The following CYRIA variants were observed in gnomAD, a reference collection of about 807,000 sequenced individuals.
CYRIA encodes CYFIP-related Rac1 interactor A.
Under a neutral mutation model 43.9 loss-of-function variants are expected in CYRIA, and 15 were observed. That is an observed-to-expected ratio of 0.34 (90% confidence interval 0.23 to 0.53). The LOEUF (loss-of-function observed/expected upper bound fraction) is 0.53. Ranked by LOEUF, CYRIA falls within the 20% of genes least tolerant of loss-of-function variation. The pLI, the probability that CYRIA is intolerant of heterozygous loss-of-function variation, is 0.94. For missense variants in CYRIA, 236 were observed against 394.2 expected, an observed-to-expected ratio of 0.60 and a Z score of 3.40; for synonymous variants, 117 against 136.0, an observed-to-expected ratio of 0.86 and a Z score of 0.97.
intron 4 of CYRIA, among the ~76,000 whole-genome samples, chr2:16,564,450 T>G (rs911441094): frequency 6.6e-6 from 1 of 152,210 alleles, no homozygotes; most frequent in Non-Finnish European, 1.5e-5. Context: ...TGTAGACATT[T>G]TGTTTATCTT....
intron 3 of CYRIA, among the ~76,000 whole-genome samples, chr2:16,586,648 CAAA>C (rs5829556): frequency 3.5e-5 from 5 of 144,718 alleles, no homozygotes; most frequent in Admixed American, 6.9e-5. Flanking sequence ...CCAAAGACAC[CAAA>C]AAAAAAAAAA....
chr2:16,549,784 G>A lies in CYRIA; in HGVS notation c.*3152C>T, dbSNP rs527871270. Reference sequence around the variant, plus strand: ...AGATTGGGAGGCTTAATTTTTCTTTGGGGAAAACATGAAATTATTTTTACT... The same window carrying A: ...AGATTGGGAGGCTTAATTTTTCTTTAGGGAAAACATGAAATTATTTTTACT... On this transcript the variant is annotated 3_prime_UTR_variant, in exon 12 of 12. Coordinates refer to ENST00000381323, the MANE Select transcript of CYRIA (RefSeq NM_030797.4). The A allele has an allele frequency of 6.6e-6, 1 of 152,002 alleles. No homozygotes were observed. The highest frequency in any genetic ancestry group is 1.5e-5 in the Non-Finnish European group (1 of 67,980). The allele number at this position is 152,002 out of a possible 1,614,324, so 9.4% of individuals were successfully genotyped here. A position where few individuals can be genotyped will look rare whatever the true frequency, so the allele number is the denominator to read the frequency against.
At chr2:16,652,620 C>A (rs1160799350) in intron 1 of CYRIA, among the ~76,000 whole-genome samples, 1 of 152,210 alleles carries the variant, frequency 6.6e-6, no homozygotes, top group Non-Finnish European at 1.5e-5. Context: ...CCTGCTACCC[C>A]CTGCCACCCT....
At chr2:16,607,489 T>C (rs1668448794) in intron 2 of CYRIA, among the ~76,000 whole-genome samples, 1 of 152,166 alleles carries the variant, frequency 6.6e-6, no homozygotes, top group African/African-American at 2.4e-5. Flanking sequence ...GGCTTAGAGC[T>C]CTCTTTCAAG....
At chr2:16,555,024 A>T in intron 11 of CYRIA, 45 bp downstream of exon 11, 1 of 1,552,098 alleles carries the variant, frequency 6.4e-7, no homozygotes, top group Non-Finnish European at 8.9e-7. Context: ...AATGGCCCTG[A>T]AAGGCTGGCT....
intron 2 of CYRIA, among the ~76,000 whole-genome samples, chr2:16,589,872 T>C (rs1667860541): frequency 6.6e-6 from 1 of 152,010 alleles, no homozygotes; most frequent in African/African-American, 2.4e-5. Context: ...TTCTAAACAT[T>C]ATAGTTATCT....
rs1289581787 is a variant in CYRIA, at chr2:16,650,386, GACTC to G, written c.-167+15390_-167+15393del. Among the ~76,000 whole-genome samples, 1 of 152,150 alleles carries G rather than the reference GACTC, an allele frequency of 6.6e-6. No individual in the cohort carries two copies. Among genetic ancestry groups the G allele is most frequent in the Non-Finnish European group, 1.5e-5 (1 of 68,032 alleles). On this transcript the variant is annotated intron_variant, in intron 1 of 11. Coordinates refer to ENST00000381323, the MANE Select transcript of CYRIA (RefSeq NM_030797.4). This position sits in a 1 kb window ranked among gnomAD's most constrained non-coding sequence, Gnocchi z 4.1. Reference sequence around the variant, plus strand: ...TGAGTATATAGTATAAAACAAGACTGACTCACTTCAATATAAAAATCTCTGCAAA... The same window carrying G: ...TGAGTATATAGTATAAAACAAGACTGACTTCAATATAAAAATCTCTGCAAA...
At chr2:16,663,664 G>C (rs185393158) in intron 1 of CYRIA, among the ~76,000 whole-genome samples, 1 of 151,912 alleles carries the variant, frequency 6.6e-6, no homozygotes, top group Non-Finnish European at 1.5e-5. Context: ...TCTTCTTGGT[G>C]CTGAGTAAAA....
Position 16,560,927 on chromosome 2 carries a change from T to C in CYRIA, c.710+63A>G, listed in dbSNP as rs146983677. The C allele has an allele frequency of 2.8e-3, 3,944 of 1,396,148 alleles. 16 individuals carry two copies. The highest frequency in any genetic ancestry group is 7.3e-3 in the Middle Eastern group (41 of 5,644). 86.5% of individuals were successfully genotyped at this position (1,396,148 alleles called of 1,614,324 possible). ...CAAATGTTACATATCATTAACATCA[T>C]CATCTTAACAGACACTGGCTGGGTG... On this transcript the variant is annotated intron_variant, in intron 9 of 11. Transcript: ENST00000381323.
intron 2 of CYRIA, among the ~76,000 whole-genome samples, chr2:16,593,904 A>C (rs1668024834): frequency 7.8e-6 from 1 of 128,190 alleles, no homozygotes; most frequent in Middle Eastern, 3.5e-3. Flanking sequence ...CAGTCCCCAG[A>C]GTGTGATATT....
chr2:16,654,052 T>C (rs112484079), intron 1 of CYRIA, among the ~76,000 whole-genome samples: 13 of 152,296 alleles, frequency 8.5e-5, no homozygotes, highest in African/African-American at 3.1e-4. Flanking sequence ...AGCAGACAGA[T>C]ACTGGGGAAG....
At chr2:16,649,068 G>GA (rs1055857093) in intron 1 of CYRIA, among the ~76,000 whole-genome samples, 2 of 146,670 alleles carry the variant, frequency 1.4e-5, no homozygotes, top group African/African-American at 2.5e-5. Context: ...AAAATACTCA[G>GA]AAAAAAAAAT....
chr2:16,648,032 C>T (rs1669869026), intron 1 of CYRIA, among the ~76,000 whole-genome samples: 1 of 152,202 alleles, frequency 6.6e-6, no homozygotes, highest in Non-Finnish European at 1.5e-5. Flanking sequence ...ATTAAATCCT[C>T]ACAGCACCCC....
At chr2:16,627,804 G>A (rs1669216246) in intron 1 of CYRIA, among the ~76,000 whole-genome samples, 1 of 152,192 alleles carries the variant, frequency 6.6e-6, no homozygotes, top group Non-Finnish European at 1.5e-5. Flanking sequence ...AGTGCCCTCT[G>A]GGTAGCAGCC....
At chr2:16,662,395 G>A (rs1304577425) in intron 1 of CYRIA, among the ~76,000 whole-genome samples, 5 of 152,236 alleles carry the variant, frequency 3.3e-5, no homozygotes, top group Non-Finnish European at 5.9e-5. Context: ...TAGAAGGCAA[G>A]TATAATTACT....
At chr2:16,614,434 C>CAGGA (rs1273082171) in intron 2 of CYRIA, among the ~76,000 whole-genome samples, 10 of 152,248 alleles carry the variant, frequency 6.6e-5, no homozygotes, top group African/African-American at 2.4e-4. Flanking sequence ...CTCCTGATGA[C>CAGGA]TCAGCGATGC....
chr2:16,566,000 A>G (rs926853425), intron 3 of CYRIA, among the ~76,000 whole-genome samples: 1 of 152,212 alleles, frequency 6.6e-6, no homozygotes, highest in Non-Finnish European at 1.5e-5. Context: ...AAACAAGCAC[A>G]CAGGAGTCAT....
rs200280819 is a variant in CYRIA at position 16,586,327 on chromosome 2, T to C, written c.70+1723A>G. ...TAAAAGAAGGGTGGCAAGATATAGA[T>C]AATTTGTTTTGCACATTTAAAAAAA... is the stretch of plus-strand genomic sequence containing the variant. On this transcript the variant is annotated intron_variant, in intron 3 of 11. Coordinates refer to ENST00000381323, the MANE Select transcript of CYRIA (RefSeq NM_030797.4). Among the ~76,000 whole-genome samples the C allele has an allele frequency of 5.3e-5, 8 of 152,292 alleles. No individual in the cohort carries two copies. In the East Asian group the frequency reaches 1.4e-3, roughly 26 times the overall value.
At chr2:16,558,210 AT>A (rs1194726912) in intron 10 of CYRIA, among the ~76,000 whole-genome samples, 4 of 152,078 alleles carry the variant, frequency 2.6e-5, no homozygotes, top group African/African-American at 7.2e-5. Context: ...AAGTGTCAAA[AT>A]TTTTTTCACA....
Sources: gnomAD v4.1 joint callset for allele counts (sites outside exome capture counted in the v4.1 genomes callset) on GRCh38, gnomAD v4.1.1 for gene constraint, Gnocchi (gnomAD v3.1) non-coding constraint, MANE v1.5 for transcripts, NCBI Gene and HGNC (gene_info 2026-07-23, HGNC 2026-07-21) for gene names.